Variants in DLGAP2 observed in about 807,000 individuals in gnomAD.
DLGAP2 encodes the protein disks large-associated protein 2.
A neutral mutation model predicts 100.3 loss-of-function variants in DLGAP2; 26 were observed. That is an observed-to-expected ratio of 0.26 (90% CI 0.19 to 0.36). The LOEUF is 0.36. Among genes scored for constraint, DLGAP2 ranks in the 10% least tolerant of loss-of-function variants. The pLI is 1.00. For missense variants in DLGAP2, 1,858 were observed against 1,453.2 expected (o/e 1.28, Z -4.53); for synonymous variants, 886 against 630.1 (o/e 1.41, Z -6.08).
chr8:1,613,398 G>C (rs532829776), intron 6 of DLGAP2, among the ~76,000 whole-genome samples: 1 of 151,970 alleles, frequency 6.6e-6, no homozygotes, highest in Non-Finnish European at 1.5e-5. Context: ...GTGGTGGGGT[G>C]GGGGGAGCGG....
chr8:1,533,916 C>A (rs984748716), intron 4 of DLGAP2, among the ~76,000 whole-genome samples: 1 of 152,140 alleles, frequency 6.6e-6, no homozygotes, highest in South Asian at 2.1e-4. Flanking sequence ...CATCACACCA[C>A]TGCACTCCAG....
At chr8:1,275,831 A>AATATATAATATAT (rs1799673921) in intron 3 of DLGAP2, among the ~76,000 whole-genome samples, 1 of 64,834 alleles carries the variant, frequency 1.5e-5, no homozygotes, top group Non-Finnish European at 2.9e-5. Context: ...TATAAAAATA[A>AATATATAATATAT]ATATATAATA....
At chr8:1,217,579 C>T (rs1003459547) in intron 2 of DLGAP2, among the ~76,000 whole-genome samples, 3 of 152,056 alleles carry the variant, frequency 2.0e-5, no homozygotes, top group Non-Finnish European at 2.9e-5. Flanking sequence ...CTCTGATTTC[C>T]TTTAGCAGTT....
intron 3 of DLGAP2, among the ~76,000 whole-genome samples, chr8:1,381,823 G>C (rs1028669774): frequency 2.8e-5 from 4 of 140,376 alleles, no homozygotes; most frequent in African/African-American, 8.1e-5. Flanking sequence ...GTGTGTGTGT[G>C]TTTGTATCAC....
At chr8:1,361,923 C>A (rs892747161) in intron 3 of DLGAP2, among the ~76,000 whole-genome samples, 4 of 152,318 alleles carry the variant, frequency 2.6e-5, no homozygotes, top group African/African-American at 9.6e-5. Flanking sequence ...GCTGCCCCAG[C>A]CTGGCAGGTC....
intron 8 of DLGAP2, among the ~76,000 whole-genome samples, chr8:1,641,727 T>A (rs1289385613): frequency 6.6e-6 from 1 of 152,092 alleles, no homozygotes; most frequent in Non-Finnish European, 1.5e-5. Flanking sequence ...TCCTAATTGG[T>A]CATTTAACAT....
At chr8:1,429,781 A>G (rs377651973) in intron 3 of DLGAP2, among the ~76,000 whole-genome samples, 8 of 151,384 alleles carry the variant, frequency 5.3e-5, no homozygotes, top group South Asian at 2.1e-4. Context: ...TATTCAGTGC[A>G]TGCTTCACAC....
In DLGAP2 at chr8:1,193,667, A is replaced by T. The variant is rs960483442; in HGVS notation, c.74-65184A>T. ...CCTGGCACGGCTGTTTCTGTGAACGATCCCATTGAAGCCACCTGAGTCTCG... is the reference window on the plus strand; with the variant it reads ...CCTGGCACGGCTGTTTCTGTGAACGTTCCCATTGAAGCCACCTGAGTCTCG... On this transcript the variant is annotated intron_variant, in intron 2 of 14. Transcript: ENST00000637795. Among the ~76,000 whole-genome samples, 82 of 152,010 alleles carry T rather than the reference A, an allele frequency of 5.4e-4. 1 individual carries two copies. Among genetic ancestry groups the T allele is most frequent in the Admixed American group, 4.6e-4 (7 of 15,250 alleles).
At chr8:816,272 T>TG (rs910165664) in intron 1 of DLGAP2, among the ~76,000 whole-genome samples, 5 of 102,668 alleles carry the variant, frequency 4.9e-5, no homozygotes, top group East Asian at 3.4e-4. Flanking sequence ...CTGAATACCT[T>TG]GGGTTTTTTT....
At chr8:1,388,778 G>A (rs1292992379) in intron 3 of DLGAP2, among the ~76,000 whole-genome samples, 32 of 120,812 alleles carry the variant, frequency 2.6e-4, no homozygotes, top group Non-Finnish European at 4.9e-4. Context: ...ATGAGGAGGC[G>A]CTGGTTCAAG....
chr8:1,634,908 C>T (rs935887226), intron 8 of DLGAP2, among the ~76,000 whole-genome samples: 2 of 151,988 alleles, frequency 1.3e-5, no homozygotes, highest in African/African-American at 4.8e-5. Context: ...ATACACCTAC[C>T]AAATAAATTA....
chr8:1,494,817 G>C (rs370753458), intron 3 of DLGAP2, among the ~76,000 whole-genome samples: 1 of 152,248 alleles, frequency 6.6e-6, no homozygotes, highest in Admixed American at 6.5e-5. Flanking sequence ...AGCACACAGA[G>C]CTCCAGCCAC....
intron 3 of DLGAP2, among the ~76,000 whole-genome samples, chr8:1,437,135 C>T (rs1304272653): frequency 2.1e-5 from 3 of 146,100 alleles, no homozygotes; most frequent in Non-Finnish European, 3.0e-5. Flanking sequence ...GTAAGGGTGA[C>T]GCCATCCGGG....
intron 5 of DLGAP2, among the ~76,000 whole-genome samples, chr8:1,563,813 A>G (rs572782044): frequency 2.0e-5 from 3 of 152,260 alleles, no homozygotes; most frequent in Non-Finnish European, 2.9e-5. Context: ...ACCACCAGCC[A>G]CGCAGATCCC....
At chr8:1,043,243 T>C (rs1159403981) in intron 2 of DLGAP2, among the ~76,000 whole-genome samples, 1 of 77,910 alleles carries the variant, frequency 1.3e-5, no homozygotes, top group Non-Finnish European at 2.5e-5. Context: ...GTGGTGGGTG[T>C]GGGTGGTGGG....
At chr8:1,592,367 C>T (rs905779556) in intron 6 of DLGAP2, among the ~76,000 whole-genome samples, 4 of 152,146 alleles carry the variant, frequency 2.6e-5, no homozygotes, top group Admixed American at 6.5e-5. Flanking sequence ...CCCTTTCTAA[C>T]ATCTTTATAT....
At chr8:999,318 C>T (rs1800874988) in intron 2 of DLGAP2, among the ~76,000 whole-genome samples, 1 of 151,750 alleles carries the variant, frequency 6.6e-6, no homozygotes, top group Non-Finnish European at 1.5e-5. Context: ...TTCCCCTTTC[C>T]ATCTCCTGTT....
chr8:791,022 C>A (rs1483465322), intron 1 of DLGAP2, among the ~76,000 whole-genome samples: 1 of 152,232 alleles, frequency 6.6e-6, no homozygotes, highest in East Asian at 1.9e-4. Context: ...GGATCACAGG[C>A]ATGAGCCACC....
At chr8:896,739 G>A (rs1030172157) in intron 1 of DLGAP2, among the ~76,000 whole-genome samples, 1 of 152,112 alleles carries the variant, frequency 6.6e-6, no homozygotes, top group Non-Finnish European at 1.5e-5. Flanking sequence ...AGACACTGCC[G>A]TCACCTCCGC....
Sources: allele counts gnomAD v4.1 joint callset (sites outside exome capture counted in the v4.1 genomes callset), GRCh38; gene constraint gnomAD v4.1.1; transcripts MANE v1.5; gene names NCBI Gene and HGNC (gene_info 2026-07-23, HGNC 2026-07-21).